The following LSM14A variants were observed in gnomAD, a reference collection of about 807,000 sequenced individuals.
LSM14A encodes protein LSM14 homolog A.
A neutral mutation model predicts 52.4 loss-of-function variants in LSM14A; 14 were observed. That is an observed-to-expected ratio of 0.27 (90% confidence interval 0.18 to 0.42). LSM14A has a LOEUF of 0.42. Ranked by LOEUF, LSM14A falls within the 10% of genes least tolerant of loss-of-function variation. The pLI, the probability that LSM14A is intolerant of heterozygous loss-of-function variation, is 1.00. For synonymous variants in LSM14A, 185 were observed against 200.3 expected (o/e 0.92, Z 0.64); for missense variants, 417 against 581.8 (o/e 0.72, Z 2.91).
At chr19:34,184,504 A>G (rs1041924635) in intron 1 of LSM14A, among the ~76,000 whole-genome samples, 4 of 152,226 alleles carry the variant, frequency 2.6e-5, no homozygotes, top group Non-Finnish European at 4.4e-5. Context: ...TAGATTCATT[A>G]CATGGAGTTC....
At chr19:34,207,961 G>A (rs1049146153) in intron 3 of LSM14A, among the ~76,000 whole-genome samples, 2 of 152,188 alleles carry the variant, frequency 1.3e-5, no homozygotes, top group African/African-American at 4.8e-5. Context: ...TGACTAACCT[G>A]AAAATGAGCA....
At chr19:34,199,042 A>T (rs1456810215) in intron 3 of LSM14A, among the ~76,000 whole-genome samples, 2 of 152,154 alleles carry the variant, frequency 1.3e-5, no homozygotes, top group African/African-American at 4.8e-5. Flanking sequence ...TAACTTTTAC[A>T]CTCTTAGTAG....
intron 1 of LSM14A, among the ~76,000 whole-genome samples, chr19:34,176,653 A>G (rs1376330417): frequency 6.6e-6 from 1 of 152,190 alleles, no homozygotes; most frequent in Non-Finnish European, 1.5e-5. Context: ...AATATAACAC[A>G]AGTTTATTCC....
Position 34,208,911 on chromosome 19 carries a change from TA to T in LSM14A, c.416-13del. ...CATTTTTTAAAATTTTTTTATCATT[TA>T]AAAACATCTCTTTAAGCTGGAAGCT... On this transcript the variant is annotated splice_polypyrimidine_tract_variant and intron_variant, in intron 3 of 9. Transcript: ENST00000544216. The T allele has an allele frequency of 6.5e-7, 1 of 1,530,350 alleles. No homozygotes were observed. The highest frequency in any genetic ancestry group is 1.2e-5 in the South Asian group (1 of 80,386). The allele number at this position is 1,530,350 out of a possible 1,614,324, so 94.8% of individuals were successfully genotyped here.
intron 3 of LSM14A, among the ~76,000 whole-genome samples, chr19:34,202,992 T>A (rs563478263): frequency 1.1e-4 from 16 of 152,292 alleles, no homozygotes; most frequent in African/African-American, 3.4e-4. Flanking sequence ...ATAATTCTTA[T>A]GTGTAAGAGA....
At chr19:34,215,754 G>C in intron 6 of LSM14A, 93 bp downstream of exon 6, 1 of 914,718 alleles carries the variant, frequency 1.1e-6, no homozygotes, top group Non-Finnish European at 1.7e-6. Flanking sequence ...AAAAATGAAA[G>C]GCGGGGGTTG....
At chr19:34,203,947 A>C (rs1195309380) in intron 3 of LSM14A, among the ~76,000 whole-genome samples, 1 of 151,964 alleles carries the variant, frequency 6.6e-6, no homozygotes, top group Non-Finnish European at 1.5e-5. Flanking sequence ...TATTATGTTT[A>C]TAAGAAATGC....
intron 4 of LSM14A, among the ~76,000 whole-genome samples, chr19:34,214,173 T>C (rs989319955): frequency 1.3e-5 from 2 of 152,174 alleles, no homozygotes; most frequent in African/African-American, 4.8e-5. Context: ...AGGGTTTTTT[T>C]TGTTTGTTTT....
Position 34,206,755 on chromosome 19 carries a change from A to G in LSM14A, c.416-2174A>G, listed in dbSNP as rs2071730888. Among the ~76,000 whole-genome samples the G allele has an allele frequency of 2.0e-5, 3 of 152,320 alleles. No individual in the cohort carries two copies. The East Asian group carries it at 5.8e-4, about 29-fold the overall frequency. Reference sequence around the variant, plus strand: ...ATAACCAAGGCCAAATAACTGAAATACCAACTGTGACTGGATCGTTACAAG... The same window carrying G: ...ATAACCAAGGCCAAATAACTGAAATGCCAACTGTGACTGGATCGTTACAAG... On this transcript the variant is annotated intron_variant, in intron 3 of 9. Coordinates refer to ENST00000544216, the MANE Select transcript of LSM14A (RefSeq NM_015578.4).
At chr19:34,208,402 A>T (rs190574305) in intron 3 of LSM14A, 1 of 152,376 alleles carries the variant, frequency 6.6e-6, no homozygotes, top group Admixed American at 6.5e-5. Flanking sequence ...CTTTTTACTC[A>T]TATTGCCAGA....
At chr19:34,175,382 C>T (rs993225028) in intron 1 of LSM14A, among the ~76,000 whole-genome samples, 2 of 152,140 alleles carry the variant, frequency 1.3e-5, no homozygotes, top group African/African-American at 4.8e-5. Flanking sequence ...TGGCGCGTGC[C>T]ACCACGCTTG....
At position 34,221,734 on chromosome 19, in the gene LSM14A, A is replaced by G. The variant is rs1180110910; in HGVS notation, c.1364A>G (p.Tyr455Cys). ...RGGREFADFE[Y>C]RKDNKVAA ...GGCCGGGAGTTTGCGGATTTTGAAT[A>G]TAGGGTAAGTGTTACTGTTAATAAA... Residue 455 changes from tyrosine (Y) to cysteine (C), a missense_variant, in exon 9 of 10, where the codon TAT becomes TGT. Tyr to Cys is a radical substitution (Grantham distance 194). This residue lies in a region of LSM14A where 357 missense variants were observed against 457.0 expected (regional missense o/e 0.78). Coordinates refer to ENST00000544216, the MANE Select transcript of LSM14A (RefSeq NM_015578.4). 1.2e-6 allele frequency: 2 copies of G among 1,612,532 alleles called. No homozygotes were observed. Among genetic ancestry groups the G allele is most frequent in the East Asian group, 2.2e-5 (1 of 44,840 alleles).
rs767385285 is a variant in LSM14A at position 34,219,795 on chromosome 19, G to T, written c.1054G>T (p.Asp352Tyr). ...TACCCAAAACAGTGAAGGAAATGCC[G>T]ATGAAGAAGATCCACTTGGACCTAA... ...VDTQNSEGNA[D>Y]EEDPLGPNCY... Residue 352 changes from aspartate to tyrosine, a missense_variant, in exon 8 of 10, where the codon GAT becomes TAT. Coordinates refer to ENST00000544216, the MANE Select transcript of LSM14A (RefSeq NM_015578.4). 2 of 1,613,260 alleles carry T rather than the reference G, an allele frequency of 1.2e-6. No individual in the cohort carries two copies. The highest frequency in any genetic ancestry group is 1.7e-6 in the Non-Finnish European group (2 of 1,179,222).
intron 3 of LSM14A, 29 bp from the exon 4 acceptor site, chr19:34,208,900 T>C (rs1462099939): frequency 1.1e-5 from 16 of 1,494,698 alleles, no homozygotes; most frequent in South Asian, 2.6e-5. Context: ...TTTTAAAATT[T>C]TTTTATCATT....
rs957506795 is a variant in LSM14A at position 34,208,841 on chromosome 19, A to T, written c.416-88A>T. 20 of 843,738 alleles carry T rather than the reference A, an allele frequency of 2.4e-5. No individual in the cohort carries two copies. In the African/African-American group the frequency reaches 3.1e-4, roughly 13 times the overall value. The allele number at this position is 843,738 out of a possible 1,614,324, so 52.3% of individuals were successfully genotyped here. On this transcript the variant is annotated intron_variant, in intron 3 of 9. Coordinates refer to ENST00000544216, the MANE Select transcript of LSM14A (RefSeq NM_015578.4). ...CTGGGGGGAGAGGTAGACAATTACC[A>T]TCATTAAAATGCTGCATTACTTTAT...
Position 34,172,655 on chromosome 19 carries a change from A to AC in LSM14A, c.17dup (p.Tyr7LeufsTer54). 2 of 1,570,394 alleles carry AC rather than the reference A, an allele frequency of 1.3e-6. No homozygotes were observed. Among genetic ancestry groups the AC allele is most frequent in the Non-Finnish European group, 1.7e-6 (2 of 1,160,414 alleles). ...CGGCGGCGGCGCCATGAGCGGGGGC[A>AC]CCCCTTACATCGGCAGCAAGATCAG... On this transcript the variant is annotated frameshift_variant, in exon 1 of 10. Coordinates refer to ENST00000544216, the MANE Select transcript of LSM14A (RefSeq NM_015578.4). LOFTEE classifies it high-confidence loss of function.
At chr19:34,206,632 G>A (rs1033896756) in intron 3 of LSM14A, among the ~76,000 whole-genome samples, 1 of 152,042 alleles carries the variant, frequency 6.6e-6, no homozygotes, top group African/African-American at 2.4e-5. Context: ...CTGAGATCGC[G>A]CCACTGCACT....
chr19:34,220,630 T>A (rs1221053934), intron 8 of LSM14A, among the ~76,000 whole-genome samples: 4 of 152,204 alleles, frequency 2.6e-5, no homozygotes, highest in African/African-American at 9.6e-5. Context: ...GTCATTGTCC[T>A]TGTCCTTTTC....
At chr19:34,197,418 T>G (rs2070926810) in intron 3 of LSM14A, among the ~76,000 whole-genome samples, 1 of 146,116 alleles carries the variant, frequency 6.8e-6, no homozygotes, top group South Asian at 2.1e-4. Flanking sequence ...ATTTTTCTTT[T>G]TAATTTCTTT....
Sources: gnomAD v4.1 joint callset for allele counts (sites outside exome capture counted in the v4.1 genomes callset) on GRCh38, gnomAD v4.1.1 for gene constraint, gnomAD v4.1.1 regional missense constraint, MANE v1.5 for transcripts, NCBI Gene and HGNC (gene_info 2026-07-23, HGNC 2026-07-21) for gene names.